Variants in MTFR2 observed in about 807,000 individuals in gnomAD.
The protein encoded by MTFR2 is DUF729 domain-containing protein 1.
Under a neutral mutation model 41.2 loss-of-function variants are expected in MTFR2, and 44 were observed. The ratio of observed to expected loss-of-function variants is 1.07; its 90% CI spans 0.84 to 1.37. MTFR2 has a LOEUF of 1.37. Among genes scored for constraint, MTFR2 ranks in the 40% most tolerant of loss-of-function variants. MTFR2 has a pLI of 0.00. For synonymous variants in MTFR2, 141 were observed against 154.6 expected (o/e 0.91, Z 0.65); for missense variants, 452 against 459.5 (o/e 0.98, Z 0.15).
chr6:136,239,302 G>T (rs1779985775), intron 6 of MTFR2, among the ~76,000 whole-genome samples, 164 bp downstream of exon 6: 1 of 152,062 alleles, frequency 6.6e-6, no homozygotes, highest in Non-Finnish European at 1.5e-5. Context: ...ACTAGAAGAA[G>T]AAATAGTCAA....
rs1422067846 is a variant in MTFR2, at chr6:136,231,153, G to A, written c.*122C>T. 2 of 629,806 alleles carry A rather than the reference G, an allele frequency of 3.2e-6. No individual in the cohort carries two copies. The highest frequency in any genetic ancestry group is 2.8e-5 in the East Asian group (1 of 35,566). 39.0% of individuals were successfully genotyped at this position (629,806 alleles called of 1,614,324 possible). A position where few individuals can be genotyped will look rare whatever the true frequency, so the allele number is the denominator to read the frequency against. On this transcript the variant is annotated 3_prime_UTR_variant, in exon 8 of 8. Coordinates refer to ENST00000420702, the MANE Select transcript of MTFR2 (RefSeq NM_001099286.3). Reference sequence around the variant, plus strand: ...TTTACATAGCAAGTGTAGGCAAAATGTGTCAAGAAGAGTCTTTAAATACAT... The same window carrying A: ...TTTACATAGCAAGTGTAGGCAAAATATGTCAAGAAGAGTCTTTAAATACAT...
intron 4 of MTFR2, among the ~76,000 whole-genome samples, chr6:136,242,650 G>A (rs1409818055): frequency 6.6e-6 from 1 of 151,886 alleles, no homozygotes; most frequent in Admixed American, 6.6e-5. Context: ...CTCCCTCCTA[G>A]GCCTGGTGTT....
intron 6 of MTFR2, 112 bp downstream of exon 6, chr6:136,239,354 G>T (rs1443837089): frequency 7.8e-6 from 6 of 766,252 alleles, no homozygotes; most frequent in Non-Finnish European, 1.2e-5. Flanking sequence ...GTATTCAGGG[G>T]TGAAGAAGAA....
At chr6:136,242,294 G>C (rs939973439) in intron 4 of MTFR2, among the ~76,000 whole-genome samples, 2 of 152,032 alleles carry the variant, frequency 1.3e-5, no homozygotes, top group African/African-American at 2.4e-5. Context: ...ACCTGCAATT[G>C]TTCTACTTAT....
At position 136,233,352 on chromosome 6, in the gene MTFR2, G is replaced by A. The variant is rs1359476598; in HGVS notation, c.1017C>T (p.Ser339=). The change falls in exon 7 of 8, where the codon TCC becomes TCT. Residue 339 remains serine (S), a synonymous_variant. Coordinates refer to ENST00000420702, the MANE Select transcript of MTFR2 (RefSeq NM_001099286.3). ...FEKENRSWES[S]PFSSPETSRF... ...TTGAAGTTTCTGGACTAGAAAATGG[G>A]GAAGATTCCCAAGATCTATTCTCTT... 1.2e-6 allele frequency: 2 copies of A among 1,612,604 alleles called. No homozygotes were observed. Among genetic ancestry groups the A allele is most frequent in the East Asian group, 2.2e-5 (1 of 44,772 alleles).
Position 136,233,476 on chromosome 6 carries a change from T to C in MTFR2, c.893A>G (p.His298Arg). 3 of 1,567,374 alleles carry C rather than the reference T, an allele frequency of 1.9e-6. No individual in the cohort carries two copies. Among genetic ancestry groups the C allele is most frequent in the East Asian group, 4.5e-5 (2 of 44,084 alleles). ...IERSPGGRPI[H>R]KRKRQNSHWD... ...ATGTGAATTCTGTCTTTTCCTCTTA[T>C]GAATGGGTCTACCGCCAGGTGACCT... Residue 298 changes from histidine to arginine, a missense_variant, in exon 7 of 8, where the codon CAT becomes CGT. Physicochemically the swap from His to Arg is conservative, Grantham distance 29 (BLOSUM62 0). Coordinates refer to ENST00000420702, the MANE Select transcript of MTFR2 (RefSeq NM_001099286.3).
intron 2 of MTFR2, 25 bp from the exon 3 acceptor site, chr6:136,244,894 T>A: frequency 6.7e-7 from 1 of 1,485,874 alleles, no homozygotes; most frequent in Non-Finnish European, 9.3e-7. Context: ...AAGTATGAAT[T>A]AAAATGCACT....
intron 6 of MTFR2, 113 bp from the exon 7 acceptor site, chr6:136,233,612 G>T: frequency 1.2e-6 from 1 of 801,764 alleles, no homozygotes; most frequent in Non-Finnish European, 1.8e-6. Context: ...TAGTCTTCAA[G>T]AGATTGAAAA....
rs539905244 is a variant in MTFR2, at chr6:136,240,914, A to AC, written c.514+529dup. Among the ~76,000 whole-genome samples, 184 of 152,118 alleles carry AC rather than the reference A, an allele frequency of 1.2e-3. No homozygotes were observed. In the East Asian group the frequency reaches 0.013, roughly 11 times the overall value. On this transcript the variant is annotated intron_variant, in intron 5 of 7. Coordinates refer to ENST00000420702, the MANE Select transcript of MTFR2 (RefSeq NM_001099286.3). ...AGACCATCCTGGCTAACACGGTGAA[A>AC]CCCCGTCTCTACTAAAAATACAAAA...
intron 6 of MTFR2, among the ~76,000 whole-genome samples, chr6:136,234,059 C>T (rs537229114): frequency 2.6e-5 from 4 of 151,622 alleles, no homozygotes; most frequent in South Asian, 4.1e-4. Flanking sequence ...AGGCTGGGCA[C>T]GGTAGCTCAT....
chr6:136,248,054 T>C (rs1177359720), intron 2 of MTFR2, among the ~76,000 whole-genome samples: 1 of 151,624 alleles, frequency 6.6e-6, no homozygotes, highest in Non-Finnish European at 1.5e-5. Context: ...ACTATGATTC[T>C]TCAACTTACT....
chr6:136,241,387 G>T, intron 5 of MTFR2, 57 bp downstream of exon 5: 1 of 1,402,474 alleles, frequency 7.1e-7, no homozygotes, highest in Non-Finnish European at 9.9e-7. Flanking sequence ...GTACAGGTTG[G>T]TATAGGCTAT....
chr6:136,234,539 G>C (rs985220455), intron 6 of MTFR2, among the ~76,000 whole-genome samples: 1 of 152,110 alleles, frequency 6.6e-6, no homozygotes, highest in Non-Finnish European at 1.5e-5. Flanking sequence ...GGAGTGCAGT[G>C]GGCAAACATG....
At chr6:136,239,417 C>T in intron 6 of MTFR2, 49 bp downstream of exon 6, 1 of 1,417,720 alleles carries the variant, frequency 7.1e-7, no homozygotes, top group Non-Finnish European at 9.6e-7. Flanking sequence ...TTTTTCTAAA[C>T]ATAAAATTGA....
At chr6:136,243,687 A>G (rs1446159582) in intron 3 of MTFR2, among the ~76,000 whole-genome samples, 1 of 151,172 alleles carries the variant, frequency 6.6e-6, no homozygotes, top group East Asian at 1.9e-4. Flanking sequence ...CACTTCGTTC[A>G]GCCTGGGCGA....
chr6:136,248,666 A>T, intron 2 of MTFR2: 1 of 235,126 alleles, frequency 4.3e-6, no homozygotes, highest in Non-Finnish European at 8.2e-6. Flanking sequence ...TCTCAGGCCT[A>T]AATCATCCTC....
chr6:136,239,356 G>T, intron 6 of MTFR2, 110 bp downstream of exon 6: 1 of 791,116 alleles, frequency 1.3e-6, no homozygotes, highest in Non-Finnish European at 2.0e-6. Flanking sequence ...ATTCAGGGGT[G>T]AAGAAGAATA....
At position 136,242,980 on chromosome 6, in the gene MTFR2, T is replaced by C. The variant is rs766309585; in HGVS notation, c.169-7A>G. 1 of 1,577,576 alleles carries C rather than the reference T, an allele frequency of 6.3e-7. No individual in the cohort carries two copies. The highest frequency in any genetic ancestry group is 8.6e-7 in the Non-Finnish European group (1 of 1,167,472). ...AGTTCAAGAGCGGGATCAACTAAAG[T>C]AAAAAAAGAAAAAAATAGTCAGAGC... On this transcript the variant is annotated splice_region_variant and splice_polypyrimidine_tract_variant and intron_variant, in intron 3 of 7. Coordinates refer to ENST00000420702, the MANE Select transcript of MTFR2 (RefSeq NM_001099286.3).
At chr6:136,243,310 A>G (rs776205723) in intron 3 of MTFR2, among the ~76,000 whole-genome samples, 24 of 152,232 alleles carry the variant, frequency 1.6e-4, no homozygotes, top group Non-Finnish European at 2.9e-4. Flanking sequence ...CTGCATATAC[A>G]TGGGGTCACA....
Sources: allele counts gnomAD v4.1 joint callset (sites outside exome capture counted in the v4.1 genomes callset), GRCh38; gene constraint gnomAD v4.1.1; transcripts MANE v1.5; gene names NCBI Gene and HGNC (gene_info 2026-07-23, HGNC 2026-07-21).